Variants in MINDY4B observed in about 807,000 individuals in gnomAD.
The protein encoded by MINDY4B is MINDY family member 4B.
In MINDY4B, 25 loss-of-function variants were observed where a neutral mutation model predicts 16.7. The ratio of observed to expected loss-of-function variants is 1.49; its 90% CI spans 1.09 to 2.09. The LOEUF is 2.09. MINDY4B is among the 30% of genes most tolerant of loss of function. The pLI is 0.00. For synonymous variants in MINDY4B, 132 were observed against 61.9 expected (o/e 2.13, Z -5.32); for missense variants, 327 against 168.4 (o/e 1.94, Z -5.21).
At chr3:150,883,159 G>T in intron 9 of MINDY4B, 101 bp from the exon 10 acceptor site, 3 of 577,994 alleles carry the variant, frequency 5.2e-6, no homozygotes, top group South Asian at 2.2e-5. Context: ...TTAGTGAAAA[G>T]AATGAAATCA....
chr3:150,878,842 A>G, intron 10 of MINDY4B, among the ~76,000 whole-genome samples: 1 of 152,086 alleles, frequency 6.6e-6, no homozygotes, highest in Non-Finnish European at 1.5e-5. Flanking sequence ...ATTGGTGGAT[A>G]TTTTAGGCTT....
chr3:150,894,063 T>C, intron 4 of MINDY4B, 123 bp downstream of exon 4: 1 of 518,126 alleles, frequency 1.9e-6, no homozygotes, highest in East Asian at 3.1e-5. Context: ...AACTTTACAT[T>C]ATAAATATAT....
chr3:150,883,778 G>A lies in MINDY4B; in HGVS notation c.825-6C>T, dbSNP rs1220743786. On this transcript the variant is annotated splice_region_variant and splice_polypyrimidine_tract_variant and intron_variant, in intron 8 of 11. Transcript: ENST00000465419. Reference sequence around the variant, plus strand: ...CATCTAGGTCCATTTGAAGCCTGCAGAGTGGGAGAAGCCATCAGCATCCAG... The same window carrying A: ...CATCTAGGTCCATTTGAAGCCTGCAAAGTGGGAGAAGCCATCAGCATCCAG... 7.1e-6 allele frequency: 5 copies of A among 702,752 alleles called. No individual in the cohort carries two copies. In the East Asian group the frequency reaches 8.0e-5, roughly 11 times the overall value. 43.5% of individuals were successfully genotyped at this position (702,752 alleles called of 1,614,324 possible). A position where few individuals can be genotyped will look rare whatever the true frequency, so the allele number is the denominator to read the frequency against.
At position 150,871,115 on chromosome 3, in the gene MINDY4B, A is replaced by G; in HGVS notation, c.1313T>C (p.Val438Ala). The G allele has an allele frequency of 1.4e-6, 1 of 702,804 alleles. No homozygotes were observed. Among genetic ancestry groups the G allele is most frequent in the African/African-American group, 1.7e-5 (1 of 57,348 alleles). 43.5% of individuals were successfully genotyped at this position (702,804 alleles called of 1,614,324 possible). A position where few individuals can be genotyped will look rare whatever the true frequency, so the allele number is the denominator to read the frequency against. ...CCACTTGGTTCTGATTGCCATCTCC[A>G]CTGGTGAAAACCGTCGTCTTGGTCC... The part of the protein sequence containing the change: ...KHGPRRRFSP[V>A]EMAIRTKWSE... Residue 438 changes from valine to alanine, a missense_variant, in exon 12 of 12, where the codon GTG becomes GCG. Val to Ala is a moderately conservative substitution (Grantham distance 64). Coordinates refer to ENST00000465419, the MANE Select transcript of MINDY4B (RefSeq NM_001351281.2).
intron 3 of MINDY4B, 73 bp from the exon 4 acceptor site, chr3:150,894,378 G>A (rs1229556638): frequency 1.6e-6 from 1 of 615,858 alleles, no homozygotes; most frequent in East Asian, 2.8e-5. Context: ...GTGGCCTCAT[G>A]GCCACCTCAA....
chr3:150,874,718 G>C (rs1229058505), intron 10 of MINDY4B, among the ~76,000 whole-genome samples: 4 of 152,062 alleles, frequency 2.6e-5, no homozygotes, highest in African/African-American at 9.7e-5. Flanking sequence ...TCTATTTTGT[G>C]GAAATCCAGC....
rs993379353 is a variant in MINDY4B, at chr3:150,870,397, T to C, written c.*648A>G. ...CTGTTTGTGTATTTATATCCAGCAT[T>C]GAAGAAAAGAAACAAACATACTGCT... is the stretch of plus-strand genomic sequence containing the variant. On this transcript the variant is annotated 3_prime_UTR_variant, in exon 12 of 12. Coordinates refer to ENST00000465419, the MANE Select transcript of MINDY4B (RefSeq NM_001351281.2). Among the ~76,000 whole-genome samples the C allele has an allele frequency of 2.0e-5, 3 of 152,340 alleles. No individual in the cohort carries two copies. Among genetic ancestry groups the C allele is most frequent in the Non-Finnish European group, 4.4e-5 (3 of 68,032 alleles).
intron 11 of MINDY4B, among the ~76,000 whole-genome samples, chr3:150,872,900 T>C (rs1383763413): frequency 6.6e-6 from 1 of 152,236 alleles, no homozygotes; most frequent in Non-Finnish European, 1.5e-5. Context: ...GAGAATGGTT[T>C]TTGGAAATTT....
intron 10 of MINDY4B, among the ~76,000 whole-genome samples, chr3:150,876,982 G>C (rs752962108): frequency 6.6e-6 from 1 of 152,148 alleles, no homozygotes; most frequent in Non-Finnish European, 1.5e-5. Context: ...AGCTGGCTGC[G>C]TTCTGCAGGA....
intron 10 of MINDY4B, among the ~76,000 whole-genome samples, chr3:150,873,803 C>T (rs1300694349): frequency 6.6e-6 from 1 of 152,066 alleles, no homozygotes; most frequent in Non-Finnish European, 1.5e-5. Flanking sequence ...GGTAAGACTT[C>T]TGGCAACATC....
chr3:150,873,267 T>C lies in MINDY4B; in HGVS notation c.1160A>G (p.Asp387Gly), dbSNP rs1212254286. The stretch of plus-strand genomic sequence containing the variant: ...ATCAAAGAGACGTTCCATTTTCCAG[T>C]CTGATAAGAGCTGCCTGTTTGTGCA... Reference protein sequence around the residue: ...LFCTNRQLLSDWKMERLFDLY... With the variant: ...LFCTNRQLLSGWKMERLFDLY... The change falls in exon 11 of 12, where the codon GAC (aspartate) becomes GGC (glycine). Residue 387 changes from aspartate to glycine, a missense_variant. Asp to Gly is a moderately conservative substitution (Grantham distance 94, BLOSUM62 -1). Coordinates refer to ENST00000465419, the MANE Select transcript of MINDY4B (RefSeq NM_001351281.2). The C allele has an allele frequency of 1.4e-6, 1 of 703,108 alleles. No homozygotes were observed. Among genetic ancestry groups the C allele is most frequent in the East Asian group, 2.7e-5 (1 of 37,294 alleles). 43.6% of individuals were successfully genotyped at this position (703,108 alleles called of 1,614,324 possible).
In MINDY4B at chr3:150,883,067, C is replaced by A. The variant is rs1369745010; in HGVS notation, c.898-9G>T. On this transcript the variant is annotated splice_polypyrimidine_tract_variant and intron_variant, in intron 9 of 11. Transcript: ENST00000465419. The stretch of plus-strand genomic sequence containing the variant: ...ATCATGTTCAGAACTGCCTAGAGAG[C>A]ATATTTTACAGATACTTATATTTTA... 2 of 680,894 alleles carry A rather than the reference C, an allele frequency of 2.9e-6. No individual in the cohort carries two copies. Among genetic ancestry groups the A allele is most frequent in the Admixed American group, 2.1e-5 (1 of 47,310 alleles). The allele number at this position is 680,894 out of a possible 1,614,324, so 42.2% of individuals were successfully genotyped here. A position where few individuals can be genotyped will look rare whatever the true frequency, so the allele number is the denominator to read the frequency against.
At chr3:150,893,982 C>T (rs201459739) in intron 4 of MINDY4B, among the ~76,000 whole-genome samples, 1 of 152,158 alleles carries the variant, frequency 6.6e-6, no homozygotes, top group African/African-American at 2.4e-5. Context: ...TGAGCCACTG[C>T]ACCCAGCCCA....
chr3:150,879,894 G>C (rs554714987), intron 10 of MINDY4B, among the ~76,000 whole-genome samples: 12 of 152,306 alleles, frequency 7.9e-5, no homozygotes, highest in Admixed American at 5.2e-4. Flanking sequence ...GGTCAAGTAT[G>C]GCCCATCTTT....
intron 3 of MINDY4B, among the ~76,000 whole-genome samples, chr3:150,903,030 A>G (rs933570057): frequency 6.6e-6 from 1 of 152,232 alleles, no homozygotes; most frequent in Admixed American, 6.5e-5. Flanking sequence ...GTGAATAAAG[A>G]GAGACTCAGA....
chr3:150,886,093 G>A (rs563596885), intron 7 of MINDY4B, among the ~76,000 whole-genome samples: 1 of 152,118 alleles, frequency 6.6e-6, no homozygotes, highest in Non-Finnish European at 1.5e-5. Context: ...TTCTTGGACA[G>A]GTTTCTTTTC....
rs1711690656 is a variant in MINDY4B, at chr3:150,888,573, TG to T, written c.753+1746del. ...GATGGGGGATTGGTAAAGTTCTGGA[TG>T]GGGTGCTGATCACAATGTGCAACCC... On this transcript the variant is annotated intron_variant, in intron 7 of 11. Coordinates refer to ENST00000465419, the MANE Select transcript of MINDY4B (RefSeq NM_001351281.2). Among the ~76,000 whole-genome samples, 6 of 152,304 alleles carry T rather than the reference TG, an allele frequency of 3.9e-5. No homozygotes were observed. The South Asian group carries it at 1.2e-3, about 32-fold the overall frequency.
chr3:150,880,674 T>C (rs548205604), intron 10 of MINDY4B, among the ~76,000 whole-genome samples: 69 of 152,328 alleles, frequency 4.5e-4, no homozygotes, highest in African/African-American at 9.4e-4. Flanking sequence ...TTCTAGTTTA[T>C]AGCGAGGATC....
intron 10 of MINDY4B, among the ~76,000 whole-genome samples, chr3:150,875,302 AAT>A (rs1235259566): frequency 1.3e-5 from 2 of 152,204 alleles, no homozygotes; most frequent in African/African-American, 4.8e-5. Context: ...ATGTAATCAA[AAT>A]ATGTTATACA....
Sources: gnomAD v4.1 joint callset for allele counts (sites outside exome capture counted in the v4.1 genomes callset) on GRCh38, gnomAD v4.1.1 for gene constraint, MANE v1.5 for transcripts, NCBI Gene and HGNC (gene_info 2026-07-23, HGNC 2026-07-21) for gene names.